Variants in GALNT18 observed in about 807,000 individuals in gnomAD.
GALNT18 encodes the protein GalNAc-transferase 18.
Under a neutral mutation model 69.5 loss-of-function variants are expected in GALNT18, and 44 were observed. The ratio of observed to expected loss-of-function variants is 0.63; its 90% CI spans 0.50 to 0.81. The LOEUF (loss-of-function observed/expected upper bound fraction) is 0.81. Among genes scored for constraint, GALNT18 ranks in the 40% least tolerant of loss-of-function variants. GALNT18 has a pLI of 0.00. For missense variants in GALNT18, 715 were observed against 810.0 expected, an observed-to-expected ratio of 0.88 and a Z score of 1.42; for synonymous variants, 364 against 318.2, an observed-to-expected ratio of 1.14 and a Z score of -1.53.
In GALNT18 at chr11:11,496,446, A is replaced by G. The variant is rs1225775501; in HGVS notation, c.236-47510T>C. Among the ~76,000 whole-genome samples the G allele has an allele frequency of 1.3e-5, 2 of 152,230 alleles. No homozygotes were observed. Among genetic ancestry groups the G allele is most frequent in the African/African-American group, 2.4e-5 (1 of 41,462 alleles). On this transcript the variant is annotated intron_variant, in intron 1 of 10. Coordinates refer to ENST00000227756, the MANE Select transcript of GALNT18 (RefSeq NM_198516.3). The surrounding 1 kb of genome is among the most constrained non-coding windows in gnomAD (Gnocchi z 4.0). ...CAAGTTTAGCCCAAACTTACCCAGCAGTACATTGCTATCAACTCCAATAAT... is the reference window on the plus strand; with the variant it reads ...CAAGTTTAGCCCAAACTTACCCAGCGGTACATTGCTATCAACTCCAATAAT...
At position 11,505,429 on chromosome 11, in the gene GALNT18, C is replaced by A. The variant is rs952034052; in HGVS notation, c.236-56493G>T. ...CCAGCACTGACTCCTATGCCCACAG[C>A]AGATCCAAGTAATCAATCACAGCAC... On this transcript the variant is annotated intron_variant, in intron 1 of 10. Coordinates refer to ENST00000227756, the MANE Select transcript of GALNT18 (RefSeq NM_198516.3). This position sits in a 1 kb window ranked among gnomAD's most constrained non-coding sequence, Gnocchi z 4.6. Among the ~76,000 whole-genome samples the A allele has an allele frequency of 4.6e-5, 7 of 152,316 alleles. No homozygotes were observed. Among genetic ancestry groups the A allele is most frequent in the South Asian group, 2.1e-4 (1 of 4,824 alleles).
chr11:11,490,235 A>T (rs79834988), intron 1 of GALNT18, among the ~76,000 whole-genome samples: 17 of 5,198 alleles, frequency 3.3e-3, no homozygotes, highest in African/African-American at 4.9e-3. Context: ...TCTCTCTCTA[A>T]CACACACACA....
At chr11:11,278,671 GGA>G (rs1308832527) in intron 10 of GALNT18, among the ~76,000 whole-genome samples, 1 of 152,012 alleles carries the variant, frequency 6.6e-6, no homozygotes, top group African/African-American at 2.4e-5. Context: ...TTGAATTCCT[GGA>G]GAGAGAATGA....
intron 9 of GALNT18, among the ~76,000 whole-genome samples, chr11:11,296,223 C>G (rs1849398375): frequency 6.6e-6 from 1 of 152,148 alleles, no homozygotes; most frequent in Non-Finnish European, 1.5e-5. Context: ...AACAATGACC[C>G]CAATCACATG....
intron 1 of GALNT18, among the ~76,000 whole-genome samples, chr11:11,593,194 A>G (rs753166951): frequency 1.1e-4 from 16 of 152,158 alleles, no homozygotes; most frequent in Non-Finnish European, 1.8e-4. Flanking sequence ...AGTCTGTCCA[A>G]TGCAGCTCCC....
rs1038913532 is a variant in GALNT18, at chr11:11,595,430, C to A, written c.235+25929G>T. ...GGCACCCTGATCTTGGACTTCTCACCCTCCAAAACTGTGAGAAATTTCTGT... is the reference window on the plus strand; with the variant it reads ...GGCACCCTGATCTTGGACTTCTCACACTCCAAAACTGTGAGAAATTTCTGT... On this transcript the variant is annotated intron_variant, in intron 1 of 10. Coordinates refer to ENST00000227756, the MANE Select transcript of GALNT18 (RefSeq NM_198516.3). This position sits in a 1 kb window ranked among gnomAD's most constrained non-coding sequence, Gnocchi z 5.2. Among the ~76,000 whole-genome samples the A allele has an allele frequency of 9.2e-5, 14 of 152,148 alleles. No homozygotes were observed. The highest frequency in any genetic ancestry group is 3.4e-4 in the African/African-American group (14 of 41,436).
chr11:11,485,782 C>T (rs1456198200), intron 1 of GALNT18, among the ~76,000 whole-genome samples: 1 of 152,144 alleles, frequency 6.6e-6, no homozygotes, highest in Non-Finnish European at 1.5e-5. Flanking sequence ...GGGAGGACCA[C>T]AAGTGGCAGG....
At chr11:11,493,106 C>T (rs930798162) in intron 1 of GALNT18, among the ~76,000 whole-genome samples, 1 of 151,448 alleles carries the variant, frequency 6.6e-6, no homozygotes, top group African/African-American at 2.4e-5. Flanking sequence ...ACTAAAAATA[C>T]AAAAATTAGC....
chr11:11,561,776 T>A (rs1202209449), intron 1 of GALNT18, among the ~76,000 whole-genome samples: 1 of 151,874 alleles, frequency 6.6e-6, no homozygotes, highest in Non-Finnish European at 1.5e-5. Context: ...AGGCAGGGAG[T>A]GGCCCATTGG....
At position 11,480,872 on chromosome 11, in the gene GALNT18, A is replaced by T. The variant is rs1213776770; in HGVS notation, c.236-31936T>A. ...CCTGGTTAGGGGAAAATGATTCCTG[A>T]CTCAGGACTTCTCAGGCCTTTCTTG... On this transcript the variant is annotated intron_variant, in intron 1 of 10. Coordinates refer to ENST00000227756, the MANE Select transcript of GALNT18 (RefSeq NM_198516.3). The surrounding 1 kb of genome is among the most constrained non-coding windows in gnomAD (Gnocchi z 4.6). Among the ~76,000 whole-genome samples the T allele has an allele frequency of 6.6e-6, 1 of 152,100 alleles. No homozygotes were observed. Among genetic ancestry groups the T allele is most frequent in the Admixed American group, 6.5e-5 (1 of 15,270 alleles).
In GALNT18 at chr11:11,435,304, G is replaced by A. The variant is rs1855373649; in HGVS notation, c.429-2517C>T. 1.3e-5 allele frequency among the ~76,000 whole-genome samples: 2 copies of A among 152,254 alleles called. No homozygotes were observed. The highest frequency in any genetic ancestry group is 2.1e-4 in the South Asian group (1 of 4,814). On this transcript the variant is annotated intron_variant, in intron 2 of 10. Coordinates refer to ENST00000227756, the MANE Select transcript of GALNT18 (RefSeq NM_198516.3). This position sits in a 1 kb window ranked among gnomAD's most constrained non-coding sequence, Gnocchi z 4.4. ...GTGGTGCCCAGTCTCCCCCTTCTGAGGAGACCAATTTTAATTCCTCCCAGT... is the reference window on the plus strand; with the variant it reads ...GTGGTGCCCAGTCTCCCCCTTCTGAAGAGACCAATTTTAATTCCTCCCAGT...
In GALNT18 at chr11:11,396,796, C is replaced by G. The variant is rs1388423754; in HGVS notation, c.596-17532G>C. ...GGGAGAGAGAGGCTGTATTTCTGGC[C>G]CGCACTGCAGCATCAGTGGGGAGGA... On this transcript the variant is annotated intron_variant, in intron 3 of 10. Coordinates refer to ENST00000227756, the MANE Select transcript of GALNT18 (RefSeq NM_198516.3). This position sits in a 1 kb window ranked among gnomAD's most constrained non-coding sequence, Gnocchi z 5.2. Among the ~76,000 whole-genome samples the G allele has an allele frequency of 6.6e-6, 1 of 152,044 alleles. No homozygotes were observed. Among genetic ancestry groups the G allele is most frequent in the Non-Finnish European group, 1.5e-5 (1 of 68,022 alleles).
intron 3 of GALNT18, among the ~76,000 whole-genome samples, chr11:11,405,004 T>A (rs1232863382): frequency 6.6e-6 from 1 of 152,218 alleles, no homozygotes; most frequent in East Asian, 1.9e-4. Context: ...TCTGTGTTTC[T>A]CCTTCCTATT....
chr11:11,472,950 C>A (rs552908121), intron 1 of GALNT18, among the ~76,000 whole-genome samples: 1 of 152,104 alleles, frequency 6.6e-6, no homozygotes, highest in East Asian at 1.9e-4. Flanking sequence ...CATGATCAAG[C>A]CATGGCACTC....
chr11:11,296,610 A>G (rs758609685), intron 9 of GALNT18, among the ~76,000 whole-genome samples: 26 of 152,192 alleles, frequency 1.7e-4, no homozygotes, highest in Non-Finnish European at 3.1e-4. Flanking sequence ...GTGGCTACTC[A>G]GGTAACAGCT....
At chr11:11,551,456 A>T (rs973291419) in intron 1 of GALNT18, among the ~76,000 whole-genome samples, 1 of 152,194 alleles carries the variant, frequency 6.6e-6, no homozygotes. Flanking sequence ...CATGGAGCGG[A>T]AACAGATTCC....
chr11:11,275,344 T>TTA (rs1162908458), intron 10 of GALNT18, among the ~76,000 whole-genome samples: 41 of 152,382 alleles, frequency 2.7e-4, no homozygotes, highest in African/African-American at 9.4e-4. Context: ...AAATGTCTTT[T>TTA]GAGAAGTGTC....
intron 10 of GALNT18, among the ~76,000 whole-genome samples, chr11:11,272,589 A>G (rs1284371584): frequency 6.6e-6 from 1 of 152,126 alleles, no homozygotes; most frequent in Non-Finnish European, 1.5e-5. Context: ...TTCTGAACCC[A>G]TTTACATTAA....
chr11:11,603,713 C>T lies in GALNT18; in HGVS notation c.235+17646G>A, dbSNP rs939915121. Among the ~76,000 whole-genome samples the T allele has an allele frequency of 6.6e-6, 1 of 152,156 alleles. No individual in the cohort carries two copies. Among genetic ancestry groups the T allele is most frequent in the African/African-American group, 2.4e-5 (1 of 41,434 alleles). ...TTATTGGATCCAGTGTTATTTGAGA[C>T]ATCTGGCTAGCTGGGGACTGCATGG... On this transcript the variant is annotated intron_variant, in intron 1 of 10. Coordinates refer to ENST00000227756, the MANE Select transcript of GALNT18 (RefSeq NM_198516.3). This position sits in a 1 kb window ranked among gnomAD's most constrained non-coding sequence, Gnocchi z 4.5.
Sources: gnomAD v4.1 joint callset for allele counts (sites outside exome capture counted in the v4.1 genomes callset) on GRCh38, gnomAD v4.1.1 for gene constraint, Gnocchi (gnomAD v3.1) non-coding constraint, MANE v1.5 for transcripts, NCBI Gene and HGNC (gene_info 2026-07-23, HGNC 2026-07-21) for gene names.